ATP6V0E1: variants seen among roughly 807,000 people sequenced by gnomAD.
ATP6V0E1 encodes ATPase H+ transporting V0 subunit e1.
Under a neutral mutation model 11.6 loss-of-function variants are expected in ATP6V0E1, and 4 were observed. The observed-to-expected ratio is 0.35, with a 90% CI of 0.17 to 0.79. The LOEUF (loss-of-function observed/expected upper bound fraction) is 0.79. Ranked by LOEUF, ATP6V0E1 falls within the 30% of genes least tolerant of loss-of-function variation. The probability of loss-of-function intolerance (pLI) is 0.54; values close to 1 mark genes in which losing one functional copy is unlikely to be tolerated. For missense variants in ATP6V0E1, 105 were observed against 100.0 expected (o/e 1.05, Z -0.21); for synonymous variants, 36 against 34.8 (o/e 1.04, Z -0.13).
At chr5:173,018,470 C>G (rs1311122709) in intron 2 of ATP6V0E1, among the ~76,000 whole-genome samples, 1 of 152,096 alleles carries the variant, frequency 6.6e-6, no homozygotes, top group East Asian at 1.9e-4. Context: ...TGAGCAGGCC[C>G]AGGCATCCAA....
chr5:173,007,627 A>G (rs1756247237), intron 2 of ATP6V0E1, among the ~76,000 whole-genome samples: 1 of 152,194 alleles, frequency 6.6e-6, no homozygotes, highest in Non-Finnish European at 1.5e-5. Flanking sequence ...GAGATTTCAG[A>G]ATTATTATTA....
At chr5:173,014,675 G>A (rs560618682) in intron 2 of ATP6V0E1, among the ~76,000 whole-genome samples, 1 of 152,122 alleles carries the variant, frequency 6.6e-6, no homozygotes, top group Non-Finnish European at 1.5e-5. Context: ...AAAATTTGAT[G>A]TCAAAGACAT....
In ATP6V0E1 at chr5:173,030,800, G is replaced by A. The variant is rs550500635; in HGVS notation, c.*37-3599G>A. 2.0e-5 allele frequency among the ~76,000 whole-genome samples: 3 copies of A among 152,004 alleles called. No individual in the cohort carries two copies. The East Asian group carries it at 5.8e-4, about 29-fold the overall frequency. On this transcript the variant is annotated intron_variant, in intron 3 of 3. Transcript: ENST00000519374. ...ATCTCGCTCTGTCACCCAGACTGGA[G>A]TGCAGTGGCGCAATCTTGGCTCATT... is the stretch of plus-strand genomic sequence containing the variant.
At chr5:172,985,236 C>T (rs927657803) in intron 1 of ATP6V0E1, among the ~76,000 whole-genome samples, 2 of 139,164 alleles carry the variant, frequency 1.4e-5, no homozygotes, top group African/African-American at 2.8e-5. Flanking sequence ...CAGAGCGAGA[C>T]TCCGTCTCAA....
At chr5:173,002,372 A>G (rs972177568) in intron 2 of ATP6V0E1, among the ~76,000 whole-genome samples, 1 of 152,222 alleles carries the variant, frequency 6.6e-6, no homozygotes, top group Admixed American at 6.5e-5. Context: ...ATTTCTCTTT[A>G]TAGGCTTCTT....
chr5:173,028,793 T>C (rs1339873223), intron 3 of ATP6V0E1, among the ~76,000 whole-genome samples: 2 of 152,240 alleles, frequency 1.3e-5, no homozygotes, highest in African/African-American at 4.8e-5. Flanking sequence ...CCTCGTCTGC[T>C]TCCCTTAGAT....
chr5:172,987,192 G>T, intron 1 of ATP6V0E1: 1 of 196,528 alleles, frequency 5.1e-6, no homozygotes, highest in South Asian at 8.2e-5. Context: ...TAAGAAATCC[G>T]GCAAAAAATA....
At chr5:173,023,367 G>T (rs572494253) in intron 3 of ATP6V0E1, among the ~76,000 whole-genome samples, 2 of 152,138 alleles carry the variant, frequency 1.3e-5, no homozygotes, top group South Asian at 4.1e-4. Flanking sequence ...CCAATTTTTG[G>T]TTACTTTTAG....
At chr5:173,006,498 G>A (rs967347148) in intron 2 of ATP6V0E1, among the ~76,000 whole-genome samples, 6 of 151,930 alleles carry the variant, frequency 3.9e-5, no homozygotes, top group African/African-American at 7.3e-5. Flanking sequence ...TAGTCCCAGC[G>A]ACTCGGGAGG....
chr5:173,029,851 C>G (rs972120817), intron 3 of ATP6V0E1, among the ~76,000 whole-genome samples: 1 of 152,180 alleles, frequency 6.6e-6, no homozygotes, highest in Non-Finnish European at 1.5e-5. Context: ...TCTGACTTGA[C>G]TGTCAAGGCC....
At chr5:173,021,191 C>T (rs540405161) in intron 3 of ATP6V0E1, among the ~76,000 whole-genome samples, 2 of 152,178 alleles carry the variant, frequency 1.3e-5, no homozygotes, top group East Asian at 3.9e-4. Context: ...AGGTGCCAGG[C>T]TCCTTTAAAC....
At chr5:173,026,416 A>G (rs1756558996) in intron 3 of ATP6V0E1, among the ~76,000 whole-genome samples, 1 of 152,210 alleles carries the variant, frequency 6.6e-6, no homozygotes, top group African/African-American at 2.4e-5. Flanking sequence ...TGTTTTTTGA[A>G]TATATAAAAC....
intron 2 of ATP6V0E1, among the ~76,000 whole-genome samples, chr5:173,000,292 A>G (rs903854382): frequency 1.3e-5 from 2 of 152,204 alleles, no homozygotes; most frequent in African/African-American, 4.8e-5. Context: ...TGAATGTTAT[A>G]TCTGGTTCCC....
chr5:173,021,774 C>T (rs868819978), intron 3 of ATP6V0E1, among the ~76,000 whole-genome samples: 5 of 152,262 alleles, frequency 3.3e-5, no homozygotes, highest in Non-Finnish European at 4.4e-5. Context: ...TTTGGTCGTG[C>T]GCGGTGGCTC....
chr5:172,999,389 C>T (rs1444572121), intron 2 of ATP6V0E1, among the ~76,000 whole-genome samples: 1 of 151,914 alleles, frequency 6.6e-6, no homozygotes, highest in Non-Finnish European at 1.5e-5. Flanking sequence ...ATTGGCACTA[C>T]CATAGTTCAC....
intron 2 of ATP6V0E1, among the ~76,000 whole-genome samples, chr5:173,008,910 CAAAAAAA>C (rs1164495740): frequency 9.7e-5 from 4 of 41,336 alleles, no homozygotes; most frequent in Non-Finnish European, 1.3e-4. Context: ...GACTCTGTCT[CAAAAAAA>C]AAAAAAAAAA....
chr5:172,997,571 A>C (rs1756085149), intron 2 of ATP6V0E1, among the ~76,000 whole-genome samples: 3 of 152,086 alleles, frequency 2.0e-5, no homozygotes, highest in Admixed American at 6.6e-5. Context: ...GCACTTTGGG[A>C]GGCCGAGGCG....
At chr5:173,014,628 CA>C (rs1756375913) in intron 2 of ATP6V0E1, among the ~76,000 whole-genome samples, 1 of 152,084 alleles carries the variant, frequency 6.6e-6, no homozygotes, top group South Asian at 2.1e-4. Context: ...TGCAGAAAGA[CA>C]AATATCACAT....
At chr5:172,987,528 TC>T (rs1755914814) in intron 1 of ATP6V0E1, among the ~76,000 whole-genome samples, 1 of 151,662 alleles carries the variant, frequency 6.6e-6, no homozygotes. Flanking sequence ...AGGTGATCCG[TC>T]CGCCTCGGCC....
Sources: allele counts gnomAD v4.1 joint callset (sites outside exome capture counted in the v4.1 genomes callset), GRCh38; gene constraint gnomAD v4.1.1; transcripts MANE v1.5; gene names NCBI Gene and HGNC (gene_info 2026-07-23, HGNC 2026-07-21).